MSRA: variants seen among roughly 807,000 people sequenced by gnomAD.
The protein encoded by MSRA is mitochondrial peptide methionine sulfoxide reductase.
In MSRA, 54 loss-of-function variants were observed where a neutral mutation model predicts 31.3. The ratio of observed to expected loss-of-function variants is 1.73; its 90% CI spans 1.39 to 2.17. MSRA has a LOEUF of 2.17. Ranked by LOEUF, MSRA falls within the 30% of genes most tolerant of loss-of-function variation. MSRA has a pLI of 0.00. For synonymous variants in MSRA, 169 were observed against 116.5 expected, an observed-to-expected ratio of 1.45 and a Z score of -2.90; for missense variants, 507 against 300.9, an observed-to-expected ratio of 1.69 and a Z score of -5.07.
intron 4 of MSRA, among the ~76,000 whole-genome samples, chr8:10,304,689 C>A (rs1801030227): frequency 6.6e-6 from 1 of 152,196 alleles, no homozygotes; most frequent in South Asian, 2.1e-4. Context: ...GCCTAAATCT[C>A]TACTTGAGGT....
intron 1 of MSRA, among the ~76,000 whole-genome samples, chr8:10,084,303 A>G (rs542487613): frequency 1.3e-5 from 2 of 152,260 alleles, no homozygotes; most frequent in Admixed American, 1.3e-4. Context: ...ATCCCTGGGC[A>G]GGGGCCCAGC....
chr8:10,357,296 C>T (rs1052229899), intron 5 of MSRA, among the ~76,000 whole-genome samples: 3 of 152,136 alleles, frequency 2.0e-5, no homozygotes, highest in Admixed American at 6.5e-5. Flanking sequence ...TGTCATTTTC[C>T]ATTTGGGTAC....
At chr8:10,248,965 G>A (rs1272975514) in intron 3 of MSRA, among the ~76,000 whole-genome samples, 1 of 152,162 alleles carries the variant, frequency 6.6e-6, no homozygotes, top group African/African-American at 2.4e-5. Flanking sequence ...TGTGTCTGTA[G>A]GATTTCAGAG....
intron 2 of MSRA, among the ~76,000 whole-genome samples, chr8:10,221,002 G>A (rs984167491): frequency 6.6e-6 from 1 of 152,202 alleles, no homozygotes; most frequent in Non-Finnish European, 1.5e-5. Context: ...ACTTGTGCCT[G>A]GCGGGTGTGT....
chr8:10,196,668 C>T (rs1808017275), intron 1 of MSRA, among the ~76,000 whole-genome samples: 1 of 152,098 alleles, frequency 6.6e-6, no homozygotes, highest in South Asian at 2.1e-4. Flanking sequence ...TCCTGCCTCA[C>T]CCTCCCGAGT....
At position 10,399,388 on chromosome 8, in the gene MSRA, A is replaced by C. The variant is rs556886022; in HGVS notation, c.544-28760A>C. ...TGGGCCTGGTGCCAGGTATAGGATC[A>C]GGGGACAGATCCCTCCTGAATGGCT... is the stretch of plus-strand genomic sequence containing the variant. On this transcript the variant is annotated intron_variant, in intron 5 of 5. Coordinates refer to ENST00000317173, the MANE Select transcript of MSRA (RefSeq NM_012331.5). Among the ~76,000 whole-genome samples the C allele has an allele frequency of 5.4e-4, 82 of 152,338 alleles. 1 individual carries two copies. The highest frequency in any genetic ancestry group is 1.9e-3 in the African/African-American group (81 of 41,592).
chr8:10,163,691 G>T (rs1008020207), intron 1 of MSRA, among the ~76,000 whole-genome samples: 3 of 152,226 alleles, frequency 2.0e-5, no homozygotes. Context: ...GAGATCAAAG[G>T]ACCGTCTATT....
rs202000887 is a variant in MSRA at position 10,219,805 on chromosome 8, C to CAAAAAAAAAAAAAAAAAAAAAAA, written c.211+11904_211+11905insAAAAAAAAAAAAAAAAAAAAAAA. On this transcript the variant is annotated intron_variant, in intron 2 of 5. Coordinates refer to ENST00000317173, the MANE Select transcript of MSRA (RefSeq NM_012331.5). ...TGGACGACAGATCGAGACTCTGTCT[C>CAAAAAAAAAAAAAAAAAAAAAAA]CAAAAAAAAAAAAAAAAAAAAAAGA... Among the ~76,000 whole-genome samples the CAAAAAAAAAAAAAAAAAAAAAAA allele has an allele frequency of 6.5e-5, 3 of 46,072 alleles. 1 individual carries two copies. The highest frequency in any genetic ancestry group is 5.5e-4 in the Admixed American group (2 of 3,610). The allele number at this position is 46,072 out of a possible 152,430, so 30.2% of individuals were successfully genotyped here. A position where few individuals can be genotyped will look rare whatever the true frequency, so the allele number is the denominator to read the frequency against.
intron 5 of MSRA, chr8:10,336,849 C>G (rs1307577049): frequency 1.3e-5 from 2 of 152,188 alleles, no homozygotes; most frequent in East Asian, 3.8e-4. Context: ...CTAGACCCAA[C>G]GTTTGCTGCA....
chr8:10,193,837 C>G (rs1452818053), intron 1 of MSRA, among the ~76,000 whole-genome samples: 1 of 152,060 alleles, frequency 6.6e-6, no homozygotes, highest in Non-Finnish European at 1.5e-5. Context: ...GTTAGAGTAG[C>G]TGATTTACAT....
chr8:10,344,509 G>C (rs1485850129), intron 5 of MSRA, among the ~76,000 whole-genome samples: 1 of 135,274 alleles, frequency 7.4e-6, no homozygotes, highest in Non-Finnish European at 1.5e-5. Context: ...GGGAGGCGGA[G>C]ATTGCATCAA....
intron 3 of MSRA, among the ~76,000 whole-genome samples, chr8:10,286,507 C>G (rs1232045963): frequency 6.6e-6 from 1 of 152,246 alleles, no homozygotes; most frequent in Non-Finnish European, 1.5e-5. Flanking sequence ...CCATGTGGAA[C>G]TGTAAGTAGG....
intron 1 of MSRA, among the ~76,000 whole-genome samples, chr8:10,092,359 C>A (rs1047342909): frequency 3.9e-5 from 6 of 151,956 alleles, no homozygotes; most frequent in Non-Finnish European, 5.9e-5. Flanking sequence ...TCCATATATC[C>A]TTAAGTATGT....
At chr8:10,245,079 T>C (rs1748135191) in intron 2 of MSRA, 25 bp from the exon 3 acceptor site, 1 of 1,608,480 alleles carries the variant, frequency 6.2e-7, no homozygotes, top group African/African-American at 1.3e-5. Flanking sequence ...TCAGTATCCT[T>C]TTTTTTTCTT....
At chr8:10,301,240 G>A (rs986920280) in intron 3 of MSRA, among the ~76,000 whole-genome samples, 1 of 152,146 alleles carries the variant, frequency 6.6e-6, no homozygotes, top group East Asian at 1.9e-4. Context: ...TCCTGAGTGA[G>A]CTTAGAAACC....
At position 10,083,220 on chromosome 8, in the gene MSRA, A is replaced by G. The variant is rs977133075; in HGVS notation, c.142+28562A>G. 5.3e-5 allele frequency among the ~76,000 whole-genome samples: 8 copies of G among 152,370 alleles called. No individual in the cohort carries two copies. In the South Asian group the frequency reaches 1.7e-3, roughly 32 times the overall value. On this transcript the variant is annotated intron_variant, in intron 1 of 5. Transcript: ENST00000317173. The stretch of plus-strand genomic sequence containing the variant: ...AAAAGATTATGAATTTGATCTTAAC[A>G]TCAGCAGATGACAATCTAGTTTTAA...
chr8:10,084,467 C>T (rs144667979), intron 1 of MSRA, among the ~76,000 whole-genome samples: 180 of 152,332 alleles, frequency 1.2e-3, no homozygotes, highest in Admixed American at 2.5e-3. Flanking sequence ...TGTAAACCTT[C>T]GTAAATATTA....
Position 10,428,353 on chromosome 8 carries a change from T to C in MSRA, c.*41T>C, listed in dbSNP as rs1464544243. The stretch of plus-strand genomic sequence containing the variant: ...TGGGCCTTTGAGGTTCCAGTAAAAA[T>C]GCTTTCAACAAATTGGGCAATGCTT... On this transcript the variant is annotated 3_prime_UTR_variant, in exon 6 of 6. Transcript: ENST00000317173. 1.2e-6 allele frequency: 2 copies of C among 1,600,172 alleles called. No homozygotes were observed. The highest frequency in any genetic ancestry group is 8.5e-7 in the Non-Finnish European group (1 of 1,172,414).
At chr8:10,294,320 A>G (rs1800412074) in intron 3 of MSRA, among the ~76,000 whole-genome samples, 1 of 152,190 alleles carries the variant, frequency 6.6e-6, no homozygotes, top group African/African-American at 2.4e-5. Flanking sequence ...GATACTAGCA[A>G]CGCTGCCATG....
Sources: allele counts gnomAD v4.1 joint callset (sites outside exome capture counted in the v4.1 genomes callset), GRCh38; gene constraint gnomAD v4.1.1; transcripts MANE v1.5; gene names NCBI Gene and HGNC (gene_info 2026-07-23, HGNC 2026-07-21).